NQO1: variants seen among roughly 807,000 people sequenced by gnomAD.
NQO1 encodes NAD(P)H dehydrogenase [quinone] 1.
Under a neutral mutation model 32.1 loss-of-function variants are expected in NQO1, and 30 were observed. The observed-to-expected ratio is 0.94, with a 90% CI of 0.70 to 1.27. The LOEUF (loss-of-function observed/expected upper bound fraction) is 1.27, where lower values mean the gene tolerates loss of function less well. Among genes scored for constraint, NQO1 ranks in the 50% most tolerant of loss-of-function variants. NQO1 has a pLI of 0.00. For missense variants in NQO1, 276 were observed against 331.3 expected (o/e 0.83, Z 1.30); for synonymous variants, 109 against 119.7 (o/e 0.91, Z 0.59).
chr16:69,724,693 C>A (rs532179264), intron 1 of NQO1, among the ~76,000 whole-genome samples: 1 of 151,966 alleles, frequency 6.6e-6, no homozygotes, highest in Non-Finnish European at 1.5e-5. Flanking sequence ...AAAGCAAGAC[C>A]CTGTCTCAAA....
At position 69,716,189 on chromosome 16, in the gene NQO1, A is replaced by ATCATC. The variant is rs1555537917; in HGVS notation, c.304-1113_304-1112insGATGA. ...TCTAAATAATAATAATAATAATAATAATAATCATCATCATCATCAACGTGG... is the reference window on the plus strand; with the variant it reads ...TCTAAATAATAATAATAATAATAATATCATCATAATCATCATCATCATCAACGTGG... On this transcript the variant is annotated intron_variant, in intron 3 of 5. Coordinates refer to ENST00000320623, the MANE Select transcript of NQO1 (RefSeq NM_000903.3). Among the ~76,000 whole-genome samples, 433 of 138,862 alleles carry ATCATC rather than the reference A, an allele frequency of 3.1e-3. 1 individual carries two copies. The highest frequency in any genetic ancestry group is 0.012 in the African/African-American group (387 of 32,702). The allele number at this position is 138,862 out of a possible 152,430, so 91.1% of individuals were successfully genotyped here. A position where few individuals can be genotyped will look rare whatever the true frequency, so the allele number is the denominator to read the frequency against.
chr16:69,723,028 C>T (rs1159364139), intron 1 of NQO1, among the ~76,000 whole-genome samples: 1 of 152,064 alleles, frequency 6.6e-6, no homozygotes. Context: ...CCCAGGTTCA[C>T]GCCATTCTCC....
At chr16:69,713,222 C>G in intron 4 of NQO1, 93 bp from the exon 5 acceptor site, 2 of 922,928 alleles carry the variant, frequency 2.2e-6, no homozygotes, top group Admixed American at 4.0e-5. Flanking sequence ...AAAGAACACA[C>G]AAGTCTGTCC....
chr16:69,726,367 A>G (rs961570903), intron 1 of NQO1, 66 bp downstream of exon 1: 41 of 1,598,394 alleles, frequency 2.6e-5, no homozygotes, highest in Non-Finnish European at 3.3e-5. Context: ...AGCCCCTACA[A>G]CCTCCTCCAC....
At chr16:69,711,351 T>C (rs1440956720) in intron 5 of NQO1, 70 bp from the exon 6 acceptor site, 2 of 1,401,866 alleles carry the variant, frequency 1.4e-6, no homozygotes, top group African/African-American at 1.4e-5. Context: ...ACAACAGAAG[T>C]TGGTCTGGGC....
At position 69,726,530 on chromosome 16, in the gene NQO1, C is replaced by T; in HGVS notation, c.-91G>A. On this transcript the variant is annotated 5_prime_UTR_variant, in exon 1 of 6. Coordinates refer to ENST00000320623, the MANE Select transcript of NQO1 (RefSeq NM_000903.3). ...ACTAGGCTCTCGGTGAGCTGGGCGG[C>T]TCCGGCTGCAACCTTGTGGGAGTCG... 6.4e-7 allele frequency: 1 copy of T among 1,558,402 alleles called. No individual in the cohort carries two copies. Among genetic ancestry groups the T allele is most frequent in the South Asian group, 1.1e-5 (1 of 88,050 alleles).
At chr16:69,713,192 T>A in intron 4 of NQO1, 63 bp from the exon 5 acceptor site, 1 of 1,178,260 alleles carries the variant, frequency 8.5e-7, no homozygotes, top group Non-Finnish European at 1.3e-6. Context: ...GACAAGAAGT[T>A]AATGAAACAG....
chr16:69,718,239 G>A lies in NQO1; in HGVS notation c.187C>T (p.Pro63Ser), dbSNP rs990357707. 1.2e-6 allele frequency: 2 copies of A among 1,613,968 alleles called. No individual in the cohort carries two copies. Among genetic ancestry groups the A allele is most frequent in the Non-Finnish European group, 1.7e-6 (2 of 1,180,028 alleles). ...TCGGCAGGATACTGAAAGTTCGCAG[G>A]GTCCTTCAGTTTACCTGCAGAGAAG... ...RKDITGKLKD[P>S]ANFQYPAESV... The change falls in exon 3 of 6, where the codon CCT becomes TCT. Residue 63 changes from proline to serine, a missense_variant. Transcript: ENST00000320623.
chr16:69,725,393 A>T (rs1248931462), intron 1 of NQO1, among the ~76,000 whole-genome samples: 9 of 152,194 alleles, frequency 5.9e-5, no homozygotes, highest in African/African-American at 1.9e-4. Flanking sequence ...ATTATTTGGG[A>T]AACAGCTCTC....
chr16:69,716,249 C>T (rs896903495), intron 3 of NQO1, among the ~76,000 whole-genome samples: 3 of 149,846 alleles, frequency 2.0e-5, no homozygotes, highest in Non-Finnish European at 4.4e-5. Context: ...AATTCTAGCA[C>T]TTTTGGAGGC....
chr16:69,715,143 G>T, intron 3 of NQO1, 66 bp from the exon 4 acceptor site: 1 of 1,141,490 alleles, frequency 8.8e-7, no homozygotes, highest in Non-Finnish European at 1.3e-6. Context: ...GTGGCTCGGA[G>T]TGCTGAGCCG....
At chr16:69,722,171 TG>T (rs1250799655) in intron 1 of NQO1, among the ~76,000 whole-genome samples, 1 of 33,918 alleles carries the variant, frequency 2.9e-5, no homozygotes, top group African/African-American at 1.2e-4. Flanking sequence ...AGGGTGGGGG[TG>T]GGGGCGGGGG....
rs1472674178 is a variant in NQO1, at chr16:69,718,110, T to C, written c.303+13A>G. The C allele has an allele frequency of 6.8e-6, 11 of 1,613,720 alleles. No individual in the cohort carries two copies. The highest frequency in any genetic ancestry group is 9.3e-6 in the Non-Finnish European group (11 of 1,179,838). On this transcript the variant is annotated intron_variant, in intron 3 of 5. Coordinates refer to ENST00000320623, the MANE Select transcript of NQO1 (RefSeq NM_000903.3). ...CAAATGTCCCTGACACCCCTTCCGA[T>C]GTCCCCCCATACCTGGAATATCACA...
At chr16:69,711,918 T>G (rs1174414680) in intron 5 of NQO1, among the ~76,000 whole-genome samples, 2 of 151,656 alleles carry the variant, frequency 1.3e-5, no homozygotes, top group Non-Finnish European at 2.9e-5. Flanking sequence ...TCTCCCAAAG[T>G]GCTGGGATTA....
intron 3 of NQO1, among the ~76,000 whole-genome samples, chr16:69,717,088 A>T (rs2038123003): frequency 6.6e-6 from 1 of 151,320 alleles, no homozygotes; most frequent in African/African-American, 2.5e-5. Context: ...ACTAAAAAAA[A>T]AAAAGAGAGA....
At chr16:69,717,506 TCGC>T (rs1392320934) in intron 3 of NQO1, among the ~76,000 whole-genome samples, 5 of 41,390 alleles carry the variant, frequency 1.2e-4, no homozygotes, top group Non-Finnish European at 3.6e-4. Context: ...ACTGAAGGAA[TCGC>T]TAACTGAAGG....
Position 69,718,360 on chromosome 16 carries a change from C to G in NQO1, c.172+10G>C. On this transcript the variant is annotated intron_variant, in intron 2 of 5. Coordinates refer to ENST00000320623, the MANE Select transcript of NQO1 (RefSeq NM_000903.3). ...AACTAATTAAAGAGGGGAGGAGGAACTCCTCCTACCTGTGATGTCCTTTCT... is the reference window on the plus strand; with the variant it reads ...AACTAATTAAAGAGGGGAGGAGGAAGTCCTCCTACCTGTGATGTCCTTTCT... The G allele has an allele frequency of 6.2e-7, 1 of 1,614,082 alleles. No individual in the cohort carries two copies. Among genetic ancestry groups the G allele is most frequent in the Non-Finnish European group, 8.5e-7 (1 of 1,179,968 alleles).
At chr16:69,718,299 G>A in intron 2 of NQO1, 46 bp from the exon 3 acceptor site, 1 of 1,612,812 alleles carries the variant, frequency 6.2e-7, no homozygotes, top group Non-Finnish European at 8.5e-7. Flanking sequence ...GGCCAAAGCT[G>A]GGCCAGAGGA....
At chr16:69,722,950 CAG>C (rs1263548197) in intron 1 of NQO1, among the ~76,000 whole-genome samples, 2 of 152,270 alleles carry the variant, frequency 1.3e-5, no homozygotes, top group East Asian at 1.9e-4. Context: ...TTTTTTGAGA[CAG>C]AGTTTCGCTC....
Sources: gnomAD v4.1 joint callset for allele counts (sites outside exome capture counted in the v4.1 genomes callset) on GRCh38, gnomAD v4.1.1 for gene constraint, MANE v1.5 for transcripts, NCBI Gene and HGNC (gene_info 2026-07-23, HGNC 2026-07-21) for gene names.